MUC4: variants seen among roughly 807,000 people sequenced by gnomAD.
The protein encoded by MUC4 is mucin 4, cell surface associated, also known as mucin-4.
Under a neutral mutation model 257.9 loss-of-function variants are expected in MUC4, and 202 were observed. The ratio of observed to expected loss-of-function variants is 0.78; its 90% CI spans 0.70 to 0.88. MUC4 has a LOEUF of 0.88. MUC4 is among the 40% of genes least tolerant of loss of function. The pLI, the probability that MUC4 is intolerant of heterozygous loss-of-function variation, is 0.00. For synonymous variants in MUC4, 2,351 were observed against 2,757.1 expected, an observed-to-expected ratio of 0.85 and a Z score of 4.62; for missense variants, 5,976 against 6,513.7, an observed-to-expected ratio of 0.92 and a Z score of 2.84.
chr3:195,799,488 G>A (rs934069164), intron 1 of MUC4, among the ~76,000 whole-genome samples: 1 of 152,076 alleles, frequency 6.6e-6, no homozygotes, highest in African/African-American at 2.4e-5. Flanking sequence ...TTTTAGTGGA[G>A]ACTGGGTTTC....
In MUC4 at chr3:195,779,992, G is replaced by C. The variant is rs1284992637; in HGVS notation, c.11588C>G (p.Ser3863Cys). ...DTMPLPVTSP[S>C]SASTGHATPL... ...GGTGGCGTGACCTGTGGATGCTGAG[G>C]AAGGGCTAGTGACAGGAAGAGGCAT... Residue 3863 changes from serine (S) to cysteine (C), a missense_variant, in exon 2 of 25, where the codon TCC becomes TGC. Transcript: ENST00000463781. The C allele has an allele frequency of 1.4e-6, 2 of 1,427,054 alleles. No homozygotes were observed. The highest frequency in any genetic ancestry group is 1.9e-6 in the Non-Finnish European group (2 of 1,074,222). The allele number at this position is 1,427,054 out of a possible 1,614,324, so 88.4% of individuals were successfully genotyped here. A position where few individuals can be genotyped will look rare whatever the true frequency, so the allele number is the denominator to read the frequency against.
At chr3:195,766,587 G>T in intron 8 of MUC4, 76 bp downstream of exon 8, 1 of 1,325,252 alleles carries the variant, frequency 7.5e-7, no homozygotes, top group South Asian at 1.2e-5. Flanking sequence ...TGCCCTCTAG[G>T]ACTGCGATGG....
At chr3:195,767,532 C>T (rs1450737410) in intron 7 of MUC4, among the ~76,000 whole-genome samples, 2 of 125,518 alleles carry the variant, frequency 1.6e-5, no homozygotes, top group African/African-American at 8.5e-5. Flanking sequence ...CCACCATCGC[C>T]ACCACCATCA....
At chr3:195,765,728 C>A (rs1414646368) in intron 8 of MUC4, among the ~76,000 whole-genome samples, 1 of 152,246 alleles carries the variant, frequency 6.6e-6, no homozygotes, top group Non-Finnish European at 1.5e-5. Context: ...GTCCTTCAAC[C>A]TATCACATTT....
Position 195,764,871 on chromosome 3 carries a change from T to C in MUC4, c.13924+126A>G, listed in dbSNP as rs1484648889. On this transcript the variant is annotated intron_variant, in intron 10 of 24. Transcript: ENST00000463781. ...TGGGGATGTTGGAAGCTTCCTAACG[T>C]TACCCGATCAGGAAGTGGAGGCCCA... 1.3e-5 allele frequency: 18 copies of C among 1,369,282 alleles called. No individual in the cohort carries two copies. The South Asian group carries it at 2.4e-4, about 18-fold the overall frequency. The allele number at this position is 1,369,282 out of a possible 1,614,324, so 84.8% of individuals were successfully genotyped here.
chr3:195,788,845 C>T lies in MUC4; in HGVS notation c.2735G>A (p.Arg912Lys), dbSNP rs1321768640. Residue 912 changes from arginine to lysine, a missense_variant, in exon 2 of 25, where the codon AGG becomes AAG. This residue lies in a region of MUC4 where 1,583 missense variants were observed against 1,257.4 expected (regional missense o/e 1.26). Transcript: ENST00000463781. ...GTCAGACCCTCTGCTGGTTCTTGTC[C>T]TCTGAGTCTGGGCCATCCGGGAAAT... The part of the protein sequence containing the change: ...AAISRMAQTQ[R>K]TRTSRGSDTI... 4.3e-6 allele frequency: 7 copies of T among 1,613,876 alleles called. No homozygotes were observed. Among genetic ancestry groups the T allele is most frequent in the Non-Finnish European group, 5.9e-6 (7 of 1,179,844 alleles).
rs868077600 is a variant in MUC4 at position 195,755,593 on chromosome 3, G to C, written c.15169-1221C>G. On this transcript the variant is annotated intron_variant, in intron 18 of 24. Transcript: ENST00000463781. This position sits in a 1 kb window ranked among gnomAD's most constrained non-coding sequence, Gnocchi z 5.0. ...GTACAGCAGCTCAGCAAAGGCTGCG[G>C]CGCCGAGACCTCACCAAGCTCCCTG... Among the ~76,000 whole-genome samples the C allele has an allele frequency of 6.6e-6, 1 of 151,968 alleles. No individual in the cohort carries two copies. The highest frequency in any genetic ancestry group is 1.5e-5 in the Non-Finnish European group (1 of 67,972).
Position 195,767,530 on chromosome 3 carries a change from G to A in MUC4, c.13530-779C>T, listed in dbSNP as rs148745721. ...CACCATCACCATCACCACCACCATC[G>A]CCACCACCATCATCACCATCACCAT... On this transcript the variant is annotated intron_variant, in intron 7 of 24. Transcript: ENST00000463781. 7.2e-3 allele frequency among the ~76,000 whole-genome samples: 384 copies of A among 53,398 alleles called. 2 individuals carry two copies. The highest frequency in any genetic ancestry group is 0.025 in the Middle Eastern group (2 of 80). 35.0% of individuals were successfully genotyped at this position (53,398 alleles called of 152,430 possible).
intron 14 of MUC4, among the ~76,000 whole-genome samples, 185 bp from the exon 15 acceptor site, chr3:195,761,770 G>T (rs762339461): frequency 6.6e-6 from 1 of 152,194 alleles, no homozygotes; most frequent in African/African-American, 2.4e-5. Flanking sequence ...TTCGGGAGGG[G>T]CGGGAGGAAA....
intron 21 of MUC4, chr3:195,752,096 G>A (rs1410218496): frequency 2.1e-6 from 1 of 470,350 alleles, no homozygotes; most frequent in East Asian, 3.1e-5. Flanking sequence ...GAGGTGAAAT[G>A]TCCTTTAGTT....
intron 1 of MUC4, among the ~76,000 whole-genome samples, chr3:195,800,448 G>A (rs1735153314): frequency 6.6e-6 from 1 of 152,160 alleles, no homozygotes; most frequent in African/African-American, 2.4e-5. Context: ...TATTGTCTAG[G>A]GGAGAAGGCG....
rs1472240255 is a variant in MUC4 at position 195,774,566 on chromosome 3, C to T, written c.12944-261G>A. 6.6e-5 allele frequency among the ~76,000 whole-genome samples: 10 copies of T among 152,176 alleles called. No individual in the cohort carries two copies. The South Asian group carries it at 1.9e-3, about 28-fold the overall frequency. ...GTCCTGCTGTCAGAATACCAGCAAACGATTCTCAATCTCTTAGTCTCAATC... is the reference window on the plus strand; with the variant it reads ...GTCCTGCTGTCAGAATACCAGCAAATGATTCTCAATCTCTTAGTCTCAATC... On this transcript the variant is annotated intron_variant, in intron 3 of 24. Coordinates refer to ENST00000463781, the MANE Select transcript of MUC4 (RefSeq NM_018406.7).
At chr3:195,771,594 CTT>C in intron 5 of MUC4, 56 bp downstream of exon 5, 1 of 1,581,428 alleles carries the variant, frequency 6.3e-7, no homozygotes, top group Non-Finnish European at 8.6e-7. Flanking sequence ...CCACACAGCT[CTT>C]TGTCTCCCCT....
chr3:195,767,819 A>C (rs1250832198), intron 7 of MUC4, among the ~76,000 whole-genome samples: 1 of 94,496 alleles, frequency 1.1e-5, no homozygotes, highest in African/African-American at 5.6e-5. Flanking sequence ...CACCATCACC[A>C]CCACCACCAC....
chr3:195,771,150 T>G, intron 5 of MUC4, among the ~76,000 whole-genome samples: 2 of 141,452 alleles, frequency 1.4e-5, no homozygotes, highest in African/African-American at 2.7e-5. Flanking sequence ...CGCGGCCGGG[T>G]TGGGGTATTC....
Position 195,765,419 on chromosome 3 carries a change from T to C in MUC4, c.13649A>G (p.His4550Arg), listed in dbSNP as rs966846211. 1.9e-6 allele frequency: 3 copies of C among 1,613,200 alleles called. No individual in the cohort carries two copies. The highest frequency in any genetic ancestry group is 1.1e-5 in the South Asian group (1 of 91,038). ...GLQGLQFYRL[H>R]REERPNYRLE... is the part of the protein sequence containing the mutation. ...ACGGTAGTTGGGCCTTTCTTCCCGG[T>C]GTAGCCTGTAGAACTGCAGCCCTTG... The change falls in exon 9 of 25, where the codon CAC becomes CGC. Residue 4550 changes from histidine (H) to arginine (R), a missense_variant. Coordinates refer to ENST00000463781, the MANE Select transcript of MUC4 (RefSeq NM_018406.7).
At chr3:195,778,740 C>T in intron 2 of MUC4, 50 bp downstream of exon 2, 1 of 1,532,100 alleles carries the variant, frequency 6.5e-7, no homozygotes, top group East Asian at 2.3e-5. Context: ...AGGCTGAATT[C>T]CGCCAAGGGG....
rs1717960700 is a variant in MUC4, at chr3:195,757,811, T to C, written c.14987-483A>G. Among the ~76,000 whole-genome samples the C allele has an allele frequency of 6.6e-6, 1 of 152,094 alleles. No homozygotes were observed. Among genetic ancestry groups the C allele is most frequent in the African/African-American group, 2.4e-5 (1 of 41,406 alleles). ...CAGACACCAGACTGTAGTGAAACAC[T>C]ACTACATATCTTCAGATCAAACTGA... On this transcript the variant is annotated intron_variant, in intron 17 of 24. Coordinates refer to ENST00000463781, the MANE Select transcript of MUC4 (RefSeq NM_018406.7). This position sits in a 1 kb window ranked among gnomAD's most constrained non-coding sequence, Gnocchi z 4.8.
intron 3 of MUC4, among the ~76,000 whole-genome samples, chr3:195,775,813 G>T (rs563551133): frequency 1.5e-4 from 1 of 6,460 alleles, no homozygotes; most frequent in Non-Finnish European, 2.7e-4. Context: ...TACCTTCCAC[G>T]GCCATACCTT....
Sources: gnomAD v4.1 joint callset for allele counts (sites outside exome capture counted in the v4.1 genomes callset) on GRCh38, gnomAD v4.1.1 for gene constraint, gnomAD v4.1.1 regional missense constraint, Gnocchi (gnomAD v3.1) non-coding constraint, MANE v1.5 for transcripts, NCBI Gene and HGNC (gene_info 2026-07-23, HGNC 2026-07-21) for gene names.